ZHX1: variants seen among roughly 807,000 people sequenced by gnomAD.
The protein encoded by ZHX1 is zinc fingers and homeoboxes 1.
ZHX1 carries 20 observed loss-of-function variants against 61.8 expected under a neutral mutation model. That is an observed-to-expected ratio of 0.32 (90% confidence interval 0.23 to 0.47). The LOEUF (loss-of-function observed/expected upper bound fraction) is 0.47, where lower values mean the gene tolerates loss of function less well. ZHX1 is among the 20% of genes least tolerant of loss of function. The pLI, the probability that ZHX1 is intolerant of heterozygous loss-of-function variation, is 1.00. For synonymous variants in ZHX1, 318 were observed against 352.6 expected (o/e 0.90, Z 1.10); for missense variants, 800 against 1,034.8 (o/e 0.77, Z 3.11).
chr8:123,268,612 C>T (rs1016496235), intron 1 of ZHX1, among the ~76,000 whole-genome samples: 3 of 152,130 alleles, frequency 2.0e-5, no homozygotes, highest in African/African-American at 7.2e-5. Flanking sequence ...CTGCCTCAGC[C>T]TCCCGAGTAG....
At chr8:123,263,506 A>G (rs911064467) in intron 2 of ZHX1, among the ~76,000 whole-genome samples, 4 of 152,062 alleles carry the variant, frequency 2.6e-5, no homozygotes, top group African/African-American at 9.7e-5. Context: ...GCCCAACAAA[A>G]TACTTATTAG....
chr8:123,251,303 A>G (rs1238278052), intron 3 of ZHX1, among the ~76,000 whole-genome samples: 1 of 152,192 alleles, frequency 6.6e-6, no homozygotes, highest in East Asian at 1.9e-4. Context: ...CAAAACTGTG[A>G]GTCAACTAAA....
In ZHX1 at chr8:123,255,978, T is replaced by G; in HGVS notation, c.-32A>C. The stretch of plus-strand genomic sequence containing the variant: ...GTTATGAGGAAAAGCTCAGTGGTGA[T>G]TAAAAAGCATCGAGGCTTAAAACTG... On this transcript the variant is annotated 5_prime_UTR_variant, in exon 3 of 4. Coordinates refer to ENST00000395571, the MANE Select transcript of ZHX1 (RefSeq NM_007222.5). The G allele has an allele frequency of 2.6e-6, 4 of 1,554,448 alleles. No homozygotes were observed. The highest frequency in any genetic ancestry group is 3.5e-6 in the Non-Finnish European group (4 of 1,151,262).
upstream of ZHX1, chr8:123,274,545 C>A (rs1438555297): frequency 6.6e-6 from 1 of 152,240 alleles, no homozygotes; most frequent in Non-Finnish European, 1.5e-5. Flanking sequence ...CCCTGCTACT[C>A]CACTGGGGTC....
chr8:123,256,635 G>A (rs1283343149), intron 2 of ZHX1, among the ~76,000 whole-genome samples: 2 of 151,984 alleles, frequency 1.3e-5, no homozygotes, highest in African/African-American at 4.8e-5. Context: ...GTGGTGGCAG[G>A]TGCCTGTAGT....
At chr8:123,252,102 G>A (rs970704686) in intron 3 of ZHX1, among the ~76,000 whole-genome samples, 13 of 152,132 alleles carry the variant, frequency 8.5e-5, no homozygotes, top group Admixed American at 3.3e-4. Context: ...GCATGCTCAC[G>A]TATAAAATAA....
intron 1 of ZHX1, among the ~76,000 whole-genome samples, chr8:123,268,597 T>C (rs1826542417): frequency 6.6e-6 from 1 of 152,162 alleles, no homozygotes; most frequent in Non-Finnish European, 1.5e-5. Context: ...GTTCAAGCGA[T>C]TCTCCTGCCT....
chr8:123,272,660 T>A (rs1253998356), intron 1 of ZHX1, among the ~76,000 whole-genome samples: 2 of 152,176 alleles, frequency 1.3e-5, no homozygotes, highest in African/African-American at 4.8e-5. Context: ...TAGCACCATA[T>A]AACACAAATT....
chr8:123,264,108 T>C (rs1263555461), intron 2 of ZHX1, among the ~76,000 whole-genome samples: 4 of 152,198 alleles, frequency 2.6e-5, no homozygotes, highest in South Asian at 2.1e-4. Context: ...GTTTTATATA[T>C]GAATTGAGTA....
intron 2 of ZHX1, among the ~76,000 whole-genome samples, chr8:123,261,442 T>G (rs1025294024): frequency 2.0e-5 from 3 of 152,188 alleles, no homozygotes. Context: ...TTCTCAAGAT[T>G]CTTCAATTCA....
chr8:123,260,484 G>A (rs991857657), intron 2 of ZHX1, among the ~76,000 whole-genome samples: 2 of 146,328 alleles, frequency 1.4e-5, no homozygotes, highest in African/African-American at 2.5e-5. Flanking sequence ...CTGTAATCCC[G>A]CTACTCGGAA....
At chr8:123,271,472 T>C (rs1826651944) in intron 1 of ZHX1, among the ~76,000 whole-genome samples, 1 of 152,150 alleles carries the variant, frequency 6.6e-6, no homozygotes, top group Non-Finnish European at 1.5e-5. Flanking sequence ...TTTATTTAAG[T>C]AAAGTCTTTG....
intron 2 of ZHX1, 123 bp downstream of exon 2, chr8:123,267,150 G>T: frequency 2.6e-6 from 2 of 768,134 alleles, no homozygotes; most frequent in Non-Finnish European, 2.0e-6. Flanking sequence ...AAAGTGTTAA[G>T]CATATGTCTG....
Position 123,253,709 on chromosome 8 carries a change from C to T in ZHX1, c.2238G>A (p.Gly746=), listed in dbSNP as rs998206755. The change falls in exon 3 of 4, where the codon GGG becomes GGA. Residue 746 remains glycine (G), a synonymous_variant. Coordinates refer to ENST00000395571, the MANE Select transcript of ZHX1 (RefSeq NM_007222.5). The part of the protein sequence containing the change: ...GLSSLRKRGR[G]RPKGRGRGRP... ...TTCCTCTTCCCCGTCCTTTGGGTCTCCCTCTCCCTCTTTTCCTAAGGGAAG... is the reference window on the plus strand; with the variant it reads ...TTCCTCTTCCCCGTCCTTTGGGTCTTCCTCTCCCTCTTTTCCTAAGGGAAG... 3.7e-6 allele frequency: 6 copies of T among 1,614,104 alleles called. No homozygotes were observed. The highest frequency in any genetic ancestry group is 5.1e-6 in the Non-Finnish European group (6 of 1,180,028).
In ZHX1 at chr8:123,254,543, C is replaced by T. The variant is rs1358883813; in HGVS notation, c.1404G>A (p.Arg468=). The T allele has an allele frequency of 5.6e-6, 9 of 1,613,588 alleles. No homozygotes were observed. In the East Asian group the frequency reaches 6.7e-5, roughly 12 times the overall value. ...CCAGTTGCTCTTTTGTCTTTTTTGC[C>T]CGAATGCCAAATGAATCAGGGTTTA... ...ALVNPDSFGI[R]AKKTKEQLAE... is the part of the protein sequence containing the mutation. Residue 468 remains arginine, a synonymous_variant, in exon 3 of 4, where the codon CGG becomes CGA. Coordinates refer to ENST00000395571, the MANE Select transcript of ZHX1 (RefSeq NM_007222.5). This position sits in a 1 kb window ranked among gnomAD's most constrained non-coding sequence, Gnocchi z 4.1.
At position 123,254,354 on chromosome 8, in the gene ZHX1, G is replaced by A. The variant is rs1826006768; in HGVS notation, c.1593C>T (p.Asn531=). 2 of 1,614,092 alleles carry A rather than the reference G, an allele frequency of 1.2e-6. No individual in the cohort carries two copies. Among genetic ancestry groups the A allele is most frequent in the Non-Finnish European group, 1.7e-6 (2 of 1,179,998 alleles). Residue 531 remains asparagine (N), a synonymous_variant, in exon 3 of 4, where the codon AAC becomes AAT. Coordinates refer to ENST00000395571, the MANE Select transcript of ZHX1 (RefSeq NM_007222.5). This position sits in a 1 kb window ranked among gnomAD's most constrained non-coding sequence, Gnocchi z 4.1. ...TAATAATGGTGGTAGAGGAATCATT[G>A]TTGAGATGTAAGCACTGATTACTCT... ...NSKSNQCLHL[N]NDSSTTIIID...
intron 3 of ZHX1, 92 bp downstream of exon 3, chr8:123,253,230 C>A: frequency 1.8e-6 from 2 of 1,116,560 alleles, no homozygotes; most frequent in Non-Finnish European, 2.5e-6. Context: ...CAGAAAATAT[C>A]AAAAATGAAG....
rs1825843173 is a variant in ZHX1, at chr8:123,248,868, T to C, written c.*1456A>G. Reference sequence around the variant, plus strand: ...TTACATTGCTTCTTTTTTAAAAAAGTTAACAGTAGTATGAAAAAAGCCACC... The same window carrying C: ...TTACATTGCTTCTTTTTTAAAAAAGCTAACAGTAGTATGAAAAAAGCCACC... On this transcript the variant is annotated 3_prime_UTR_variant, in exon 4 of 4. Transcript: ENST00000395571. 6.6e-6 allele frequency: 1 copy of C among 152,040 alleles called. No homozygotes were observed. The highest frequency in any genetic ancestry group is 1.5e-5 in the Non-Finnish European group (1 of 67,898). The allele number at this position is 152,040 out of a possible 1,614,324, so 9.4% of individuals were successfully genotyped here. A position where few individuals can be genotyped will look rare whatever the true frequency, so the allele number is the denominator to read the frequency against.
rs1825841146 is a variant in ZHX1 at position 123,248,823 on chromosome 8, A to G, written c.*1501T>C. On this transcript the variant is annotated 3_prime_UTR_variant, in exon 4 of 4. Coordinates refer to ENST00000395571, the MANE Select transcript of ZHX1 (RefSeq NM_007222.5). ...TTAAACGTGTAAAAGAAAAAAAAAA[A>G]GCTTAGTGCATTACGGTCTTTACAT... 1.3e-5 allele frequency: 2 copies of G among 152,012 alleles called. No homozygotes were observed. The highest frequency in any genetic ancestry group is 2.1e-4 in the South Asian group (1 of 4,828). The allele number at this position is 152,012 out of a possible 1,614,324, so 9.4% of individuals were successfully genotyped here. A position where few individuals can be genotyped will look rare whatever the true frequency, so the allele number is the denominator to read the frequency against.
Sources: gnomAD v4.1 joint callset for allele counts (sites outside exome capture counted in the v4.1 genomes callset) on GRCh38, gnomAD v4.1.1 for gene constraint, Gnocchi (gnomAD v3.1) non-coding constraint, MANE v1.5 for transcripts, NCBI Gene and HGNC (gene_info 2026-07-23, HGNC 2026-07-21) for gene names.